BICD1: variants seen among roughly 807,000 people sequenced by gnomAD.
BICD1 encodes the protein protein bicaudal D homolog 1.
BICD1 carries 35 observed loss-of-function variants against 92.5 expected under a neutral mutation model. The observed-to-expected ratio is 0.38, with a 90% CI of 0.29 to 0.50. BICD1 has a LOEUF of 0.50. Among genes scored for constraint, BICD1 ranks in the 20% least tolerant of loss-of-function variants. BICD1 has a pLI of 0.93. For synonymous variants in BICD1, 429 were observed against 465.1 expected, an observed-to-expected ratio of 0.92 and a Z score of 1.00; for missense variants, 950 against 1,189.8, an observed-to-expected ratio of 0.80 and a Z score of 2.97.
intron 1 of BICD1, among the ~76,000 whole-genome samples, chr12:32,110,615 C>T (rs1374191885): frequency 1.3e-5 from 2 of 152,106 alleles, no homozygotes; most frequent in African/African-American, 2.4e-5. Context: ...TTGGGATGTA[C>T]GTAAATCAGC....
intron 2 of BICD1, among the ~76,000 whole-genome samples, chr12:32,243,702 G>C (rs326636): frequency 0.67 from 102,121 of 151,954 alleles, 34,606 homozygotes; most frequent in African/African-American, 0.77. Flanking sequence ...GTTTTTAAAT[G>C]TACTGATTGT....
At chr12:32,225,625 T>TTGTTTTTTTTTG (rs1379474366) in intron 2 of BICD1, among the ~76,000 whole-genome samples, 3 of 118,472 alleles carry the variant, frequency 2.5e-5, no homozygotes, top group Non-Finnish European at 4.9e-5. Flanking sequence ...TTTTCTGTTT[T>TTGTTTTTTTTTG]TTTTTTTTTT....
chr12:32,205,098 CT>C (rs1479336189), intron 1 of BICD1, among the ~76,000 whole-genome samples: 19 of 152,224 alleles, frequency 1.2e-4, no homozygotes, highest in Non-Finnish European at 1.8e-4. Flanking sequence ...TGAAATAAAA[CT>C]TTTTTCTTTG....
rs1336498670 is a variant in BICD1, at chr12:32,251,986, T to TA, written c.426+35528dup. Among the ~76,000 whole-genome samples, 925 of 132,774 alleles carry TA rather than the reference T, an allele frequency of 7.0e-3. 12 individuals are homozygous for TA. The highest frequency in any genetic ancestry group is 0.017 in the African/African-American group (618 of 35,364). The allele number at this position is 132,774 out of a possible 152,430, so 87.1% of individuals were successfully genotyped here. On this transcript the variant is annotated intron_variant, in intron 2 of 9. Coordinates refer to ENST00000652176, the MANE Select transcript of BICD1 (RefSeq NM_001714.4). Reference sequence around the variant, plus strand: ...ACTTTTAAAACTTTACCACTATATATATAATATATTTATAATATATATTTA... The same window carrying TA: ...ACTTTTAAAACTTTACCACTATATATAATAATATATTTATAATATATATTTA...
intron 9 of BICD1, among the ~76,000 whole-genome samples, chr12:32,375,383 A>C (rs1485973523): frequency 6.6e-6 from 1 of 152,080 alleles, no homozygotes; most frequent in Non-Finnish European, 1.5e-5. Flanking sequence ...ACAAAAAATT[A>C]GCCGGACGCG....
chr12:32,278,525 T>C (rs1272529095), intron 2 of BICD1, among the ~76,000 whole-genome samples: 1 of 152,204 alleles, frequency 6.6e-6, no homozygotes, highest in African/African-American at 2.4e-5. Context: ...CAGGTTAAAA[T>C]ACCCAGGTCA....
intron 1 of BICD1, among the ~76,000 whole-genome samples, chr12:32,191,186 C>T (rs568129009): frequency 3.3e-5 from 5 of 152,026 alleles, no homozygotes; most frequent in Non-Finnish European, 7.4e-5. Context: ...AAAAGAAGAA[C>T]AAACTAAGCC....
chr12:32,284,447 C>G (rs1281457404), intron 2 of BICD1, among the ~76,000 whole-genome samples: 2 of 152,130 alleles, frequency 1.3e-5, no homozygotes, highest in African/African-American at 4.8e-5. Context: ...GTTCCTTACT[C>G]TTTGTTTTCT....
intron 1 of BICD1, among the ~76,000 whole-genome samples, chr12:32,173,767 T>C (rs973933633): frequency 6.6e-6 from 1 of 152,232 alleles, no homozygotes; most frequent in Admixed American, 6.5e-5. Flanking sequence ...TTCAGACTTA[T>C]ATATAGTTGC....
At chr12:32,256,074 G>T (rs1946710647) in intron 2 of BICD1, among the ~76,000 whole-genome samples, 2 of 151,726 alleles carry the variant, frequency 1.3e-5, no homozygotes, top group Admixed American at 1.3e-4. Flanking sequence ...TCTTTTAGAG[G>T]TAGGGTCTCA....
intron 5 of BICD1, chr12:32,333,160 A>G (rs1321702091): frequency 1.0e-6 from 1 of 984,290 alleles, no homozygotes; most frequent in Admixed American, 6.2e-5. Context: ...ACATTTCACA[A>G]CTTAAACATA....
intron 4 of BICD1, among the ~76,000 whole-genome samples, chr12:32,325,999 C>G (rs1345957658): frequency 2.9e-5 from 4 of 138,786 alleles, no homozygotes; most frequent in Non-Finnish European, 4.5e-5. Flanking sequence ...GGGAGAATGG[C>G]GTGAACCTGG....
intron 4 of BICD1, among the ~76,000 whole-genome samples, chr12:32,307,756 C>T (rs917122788): frequency 2.6e-5 from 4 of 152,174 alleles, no homozygotes; most frequent in Admixed American, 1.3e-4. Flanking sequence ...TCAGTTTACA[C>T]TAATATGACT....
intron 2 of BICD1, among the ~76,000 whole-genome samples, chr12:32,225,746 G>A (rs200991778): frequency 2.7e-5 from 4 of 148,562 alleles, no homozygotes; most frequent in African/African-American, 7.4e-5. Context: ...TTAGCCTCCC[G>A]AGTAGCTGGG....
At chr12:32,371,902 A>AT (rs1939752778) in intron 9 of BICD1, among the ~76,000 whole-genome samples, 1 of 152,078 alleles carries the variant, frequency 6.6e-6, no homozygotes, top group Admixed American at 6.6e-5. Context: ...ACCCATTTTT[A>AT]TGTGACGAAA....
intron 1 of BICD1, among the ~76,000 whole-genome samples, chr12:32,163,352 TTAA>T (rs1943655450): frequency 6.6e-6 from 1 of 152,164 alleles, no homozygotes; most frequent in Non-Finnish European, 1.5e-5. Context: ...TCTTATTTCT[TTAA>T]TAATATTTTT....
intron 2 of BICD1, among the ~76,000 whole-genome samples, chr12:32,244,475 C>T (rs1946319027): frequency 6.6e-6 from 1 of 152,166 alleles, no homozygotes; most frequent in Non-Finnish European, 1.5e-5. Flanking sequence ...TTGAGGCAGG[C>T]TGTCATTAAT....
At position 32,305,940 on chromosome 12, in the gene BICD1, G is replaced by A; in HGVS notation, c.823G>A (p.Asp275Asn). Residue 275 changes from aspartate (D) to asparagine (N), a missense_variant, in exon 4 of 10, where the codon GAT becomes AAT. Transcript: ENST00000652176. ...ISVDGLKFAE[D>N]GSEPNNDDKM... is the part of the protein sequence containing the mutation. ...AGTAGATGGACTCAAATTTGCCGAG[G>A]ATGGGAGTGAACCAAACAATGATGA... The A allele has an allele frequency of 6.2e-7, 1 of 1,614,198 alleles. No individual in the cohort carries two copies. Among genetic ancestry groups the A allele is most frequent in the Non-Finnish European group, 8.5e-7 (1 of 1,180,034 alleles).
At chr12:32,233,398 A>T (rs1004842137) in intron 2 of BICD1, among the ~76,000 whole-genome samples, 1 of 150,204 alleles carries the variant, frequency 6.7e-6, no homozygotes, top group Admixed American at 6.7e-5. Context: ...TTTATCTGTT[A>T]TTGTTCACCA....
Sources: allele counts gnomAD v4.1 joint callset (sites outside exome capture counted in the v4.1 genomes callset), GRCh38; gene constraint gnomAD v4.1.1; transcripts MANE v1.5; gene names NCBI Gene and HGNC (gene_info 2026-07-23, HGNC 2026-07-21).